The following KCNJ6 variants were observed in gnomAD, a reference collection of about 807,000 sequenced individuals.
KCNJ6 encodes the protein potassium inwardly rectifying channel subfamily J member 6.
Under a neutral mutation model 34.2 loss-of-function variants are expected in KCNJ6, and 9 were observed. The observed-to-expected ratio is 0.26, with a 90% CI of 0.16 to 0.46. The LOEUF (loss-of-function observed/expected upper bound fraction) is 0.46, where lower values mean the gene tolerates loss of function less well. KCNJ6 is among the 20% of genes least tolerant of loss of function. The pLI is 1.00. For synonymous variants in KCNJ6, 196 were observed against 207.1 expected (o/e 0.95, Z 0.46); for missense variants, 236 against 531.3 (o/e 0.44, Z 5.46).
chr21:37,710,640 G>T (rs994478894), intron 3 of KCNJ6, among the ~76,000 whole-genome samples: 3 of 152,208 alleles, frequency 2.0e-5, no homozygotes, highest in African/African-American at 7.2e-5. Context: ...GCCGTAGTGG[G>T]GGCTGACTGG....
intron 3 of KCNJ6, among the ~76,000 whole-genome samples, chr21:37,670,587 A>C (rs1291073755): frequency 6.6e-6 from 1 of 152,152 alleles, no homozygotes; most frequent in East Asian, 1.9e-4. Context: ...CAACGTGGTG[A>C]AACCATGTCT....
At chr21:37,690,792 T>A (rs1196193307) in intron 3 of KCNJ6, among the ~76,000 whole-genome samples, 1 of 151,394 alleles carries the variant, frequency 6.6e-6, no homozygotes, top group Admixed American at 6.6e-5. Flanking sequence ...TTTTTTTTTT[T>A]TTTTTGAGAT....
chr21:37,727,301 C>A (rs2123463767), intron 2 of KCNJ6, among the ~76,000 whole-genome samples: 1 of 152,174 alleles, frequency 6.6e-6, no homozygotes, highest in East Asian at 1.9e-4. Flanking sequence ...GTAGGGGTGA[C>A]TTTGGTGATG....
intron 3 of KCNJ6, among the ~76,000 whole-genome samples, chr21:37,654,157 C>A (rs1185951053): frequency 1.4e-5 from 2 of 140,292 alleles, no homozygotes; most frequent in East Asian, 4.2e-4. Context: ...CATGGACGTG[C>A]AGCACCAGGC....
intron 2 of KCNJ6, among the ~76,000 whole-genome samples, chr21:37,775,926 A>G (rs1051401006): frequency 2.6e-5 from 4 of 152,034 alleles, no homozygotes; most frequent in African/African-American, 4.8e-5. Context: ...CATTGAATCT[A>G]TAAATTACCT....
At chr21:37,776,254 C>T (rs1281807565) in intron 2 of KCNJ6, among the ~76,000 whole-genome samples, 15 of 152,152 alleles carry the variant, frequency 9.9e-5, no homozygotes, top group South Asian at 2.1e-4. Context: ...TGGGCTGAGA[C>T]GATGGGGTTT....
intron 2 of KCNJ6, among the ~76,000 whole-genome samples, chr21:37,809,414 T>C (rs530180759): frequency 1.3e-5 from 2 of 152,024 alleles, no homozygotes; most frequent in Non-Finnish European, 2.9e-5. Context: ...TTAGGAGATA[T>C]ACCTAATGCT....
chr21:37,894,738 T>A (rs552934392), intron 1 of KCNJ6, among the ~76,000 whole-genome samples: 2 of 152,330 alleles, frequency 1.3e-5, no homozygotes, highest in Admixed American at 6.5e-5. Context: ...CTAGAAAATG[T>A]GGCTTTACTA....
intron 1 of KCNJ6, among the ~76,000 whole-genome samples, chr21:37,848,740 C>CT (rs1295351972): frequency 6.6e-6 from 1 of 152,188 alleles, no homozygotes; most frequent in Non-Finnish European, 1.5e-5. Flanking sequence ...GCTCTGGGTA[C>CT]TTTCTTGAAA....
intron 3 of KCNJ6, among the ~76,000 whole-genome samples, chr21:37,648,111 C>T (rs971496231): frequency 6.6e-6 from 1 of 152,124 alleles, no homozygotes; most frequent in Non-Finnish European, 1.5e-5. Context: ...TCAGACAGCC[C>T]AGGGAGGGGG....
At chr21:37,883,861 A>G (rs1200965592) in intron 1 of KCNJ6, among the ~76,000 whole-genome samples, 1 of 152,158 alleles carries the variant, frequency 6.6e-6, no homozygotes, top group African/African-American at 2.4e-5. Flanking sequence ...TAATGTTTGC[A>G]GGGGCTAAGA....
chr21:37,867,278 C>A (rs905005371), intron 1 of KCNJ6, among the ~76,000 whole-genome samples: 2 of 152,106 alleles, frequency 1.3e-5, no homozygotes, highest in African/African-American at 4.8e-5. Flanking sequence ...TAGGGTACTA[C>A]AGGGAGCAAC....
chr21:37,766,135 G>T (rs1158422370), intron 2 of KCNJ6, among the ~76,000 whole-genome samples: 1 of 152,166 alleles, frequency 6.6e-6, no homozygotes, highest in African/African-American at 2.4e-5. Flanking sequence ...ACATGTTCAT[G>T]AATTTTGTAT....
At chr21:37,699,982 T>C (rs1023609520) in intron 3 of KCNJ6, among the ~76,000 whole-genome samples, 6 of 152,190 alleles carry the variant, frequency 3.9e-5, no homozygotes, top group Non-Finnish European at 5.9e-5. Context: ...AAGGAAACTC[T>C]TGAGGGTCTG....
At chr21:37,874,741 C>T (rs1159832676) in intron 1 of KCNJ6, among the ~76,000 whole-genome samples, 6 of 152,126 alleles carry the variant, frequency 3.9e-5, no homozygotes, top group African/African-American at 1.4e-4. Flanking sequence ...TTTGCTCAGG[C>T]CTCAACCTTA....
chr21:37,716,165 A>C (rs574513813), intron 2 of KCNJ6, among the ~76,000 whole-genome samples: 2 of 152,210 alleles, frequency 1.3e-5, no homozygotes, highest in South Asian at 4.2e-4. Context: ...CTATTGGCCA[A>C]ATTTCAGGGT....
chr21:37,784,764 A>C (rs2055185334), intron 2 of KCNJ6, among the ~76,000 whole-genome samples: 1 of 152,166 alleles, frequency 6.6e-6, no homozygotes, highest in Non-Finnish European at 1.5e-5. Context: ...AATTGCTGGC[A>C]GAGCAACGTT....
At chr21:37,836,419 A>T (rs890086819) in intron 2 of KCNJ6, among the ~76,000 whole-genome samples, 3 of 152,226 alleles carry the variant, frequency 2.0e-5, no homozygotes, top group African/African-American at 7.2e-5. Context: ...AAATCATTCT[A>T]CTATAAAGCC....
At chr21:37,894,012 T>C (rs914939698) in intron 1 of KCNJ6, among the ~76,000 whole-genome samples, 18 of 152,230 alleles carry the variant, frequency 1.2e-4, no homozygotes, top group African/African-American at 4.3e-4. Context: ...TGTTAAATTA[T>C]GGTATAATCA....
Sources: allele counts gnomAD v4.1 joint callset (sites outside exome capture counted in the v4.1 genomes callset), GRCh38; gene constraint gnomAD v4.1.1; transcripts MANE v1.5; gene names NCBI Gene and HGNC (gene_info 2026-07-23, HGNC 2026-07-21).